Variants in RBM25 observed in about 807,000 individuals in gnomAD.
The protein encoded by RBM25 is RNA-binding protein 25.
A neutral mutation model predicts 120.7 loss-of-function variants in RBM25; 19 were observed. The ratio of observed to expected loss-of-function variants is 0.16; its 90% CI spans 0.11 to 0.23. RBM25 has a LOEUF of 0.23. Among genes scored for constraint, RBM25 ranks in the 10% least tolerant of loss-of-function variants. The pLI is 1.00. For missense variants in RBM25, 605 were observed against 1,041.5 expected, an observed-to-expected ratio of 0.58 and a Z score of 5.77; for synonymous variants, 390 against 326.7, an observed-to-expected ratio of 1.19 and a Z score of -2.09.
intron 6 of RBM25, among the ~76,000 whole-genome samples, chr14:73,094,351 G>A (rs1197345425): frequency 6.6e-6 from 1 of 151,988 alleles, no homozygotes; most frequent in Non-Finnish European, 1.5e-5. Flanking sequence ...ATGTGAATTA[G>A]TTAATTCCAA....
At chr14:73,063,247 T>G (rs1895046957) in intron 1 of RBM25, among the ~76,000 whole-genome samples, 1 of 151,216 alleles carries the variant, frequency 6.6e-6, no homozygotes, top group Non-Finnish European at 1.5e-5. Flanking sequence ...CCTCCCGGGT[T>G]CACGCCATTC....
At chr14:73,078,665 T>G (rs1476420211) in intron 4 of RBM25, among the ~76,000 whole-genome samples, 1 of 152,190 alleles carries the variant, frequency 6.6e-6, no homozygotes. Flanking sequence ...AATGAAGTGG[T>G]GACATCTTGG....
intron 2 of RBM25, among the ~76,000 whole-genome samples, chr14:73,074,241 C>A (rs1566584259): frequency 6.6e-6 from 1 of 151,968 alleles, no homozygotes; most frequent in Non-Finnish European, 1.5e-5. Context: ...TTTTTTGAGA[C>A]AGGATCTCTC....
rs1410048553 is a variant in RBM25 at position 73,121,610 on chromosome 14, C to G, written c.*1805C>G. On this transcript the variant is annotated 3_prime_UTR_variant, in exon 19 of 19. Transcript: ENST00000261973. ...GTCTTTTCTTAGACACACCCCCAGCCTAAGACCTTGTTCGAGGAGTTTATT... is the reference window on the plus strand; with the variant it reads ...GTCTTTTCTTAGACACACCCCCAGCGTAAGACCTTGTTCGAGGAGTTTATT... The G allele has an allele frequency of 6.6e-6, 1 of 152,220 alleles. No individual in the cohort carries two copies. Among genetic ancestry groups the G allele is most frequent in the Non-Finnish European group, 1.5e-5 (1 of 68,040 alleles). The allele number at this position is 152,220 out of a possible 1,614,324, so 9.4% of individuals were successfully genotyped here. A position where few individuals can be genotyped will look rare whatever the true frequency, so the allele number is the denominator to read the frequency against.
intron 1 of RBM25, among the ~76,000 whole-genome samples, chr14:73,070,372 A>G (rs1167542162): frequency 1.3e-5 from 2 of 152,132 alleles, no homozygotes; most frequent in Non-Finnish European, 2.9e-5. Context: ...TTAAACTTTA[A>G]AAAATCAAAT....
intron 7 of RBM25, among the ~76,000 whole-genome samples, chr14:73,098,736 C>T (rs554671527): frequency 4.6e-5 from 7 of 152,106 alleles, no homozygotes; most frequent in South Asian, 4.2e-4. Flanking sequence ...CTCTGCCTCC[C>T]GGGTTCAAGC....
At chr14:73,099,279 C>A in intron 7 of RBM25, 101 bp from the exon 8 acceptor site, 1 of 1,018,426 alleles carries the variant, frequency 9.8e-7, no homozygotes, top group Non-Finnish European at 1.5e-6. Flanking sequence ...CAGAAGTGTA[C>A]TGTATTGTTC....
chr14:73,093,392 T>A (rs1895860414), intron 6 of RBM25, among the ~76,000 whole-genome samples: 1 of 152,232 alleles, frequency 6.6e-6, no homozygotes, highest in South Asian at 2.1e-4. Context: ...AAATTTTAAT[T>A]TCTCTGAAAA....
intron 7 of RBM25, among the ~76,000 whole-genome samples, chr14:73,099,035 CAT>C (rs1165739491): frequency 2.0e-5 from 3 of 152,138 alleles, no homozygotes; most frequent in African/African-American, 2.4e-5. Context: ...AGAAAAATAA[CAT>C]ATTTGTTTGA....
rs1283850339 is a variant in RBM25 at position 73,061,576 on chromosome 14, TTTA to T, written c.-16+2874_-16+2876del. 2.6e-5 allele frequency among the ~76,000 whole-genome samples: 4 copies of T among 151,202 alleles called. 1 individual carries two copies. Among genetic ancestry groups the T allele is most frequent in the Non-Finnish European group, 5.9e-5 (4 of 67,482 alleles). On this transcript the variant is annotated intron_variant, in intron 1 of 18. Transcript: ENST00000261973. The stretch of plus-strand genomic sequence containing the variant: ...GTAGTAGATAGCGCTGCTTTTTTGT[TTTA>T]TTTGGTTTTTGAGATGGGGTCTCTT...
At chr14:73,078,962 A>G (rs1202225632) in intron 4 of RBM25, among the ~76,000 whole-genome samples, 1 of 152,210 alleles carries the variant, frequency 6.6e-6, no homozygotes, top group African/African-American at 2.4e-5. Context: ...CAATGATTTT[A>G]GCATCCAATG....
intron 1 of RBM25, among the ~76,000 whole-genome samples, chr14:73,059,748 C>T (rs1894955716): frequency 6.6e-6 from 1 of 152,196 alleles, no homozygotes; most frequent in South Asian, 2.1e-4. Flanking sequence ...TCATAAGTTA[C>T]TCATGATTCA....
At chr14:73,062,557 G>A (rs1594891990) in intron 1 of RBM25, among the ~76,000 whole-genome samples, 1 of 151,330 alleles carries the variant, frequency 6.6e-6, no homozygotes, top group African/African-American at 2.4e-5. Flanking sequence ...GCTGTATTTT[G>A]CATACTTGCA....
At chr14:73,084,638 C>T (rs1416423233) in intron 5 of RBM25, among the ~76,000 whole-genome samples, 3 of 151,910 alleles carry the variant, frequency 2.0e-5, no homozygotes, top group Non-Finnish European at 4.4e-5. Context: ...CTGCAACTTC[C>T]ACCTCCCAGG....
At chr14:73,090,063 T>C (rs1220323148) in intron 6 of RBM25, among the ~76,000 whole-genome samples, 1 of 151,272 alleles carries the variant, frequency 6.6e-6, no homozygotes, top group East Asian at 1.9e-4. Flanking sequence ...CCCCCCCTCT[T>C]TTTTTTTGAT....
At chr14:73,062,580 G>A (rs1045345067) in intron 1 of RBM25, among the ~76,000 whole-genome samples, 1 of 151,378 alleles carries the variant, frequency 6.6e-6, no homozygotes, top group African/African-American at 2.4e-5. Context: ...ATTCTTAAGA[G>A]TGCAGAAAAA....
intron 14 of RBM25, among the ~76,000 whole-genome samples, chr14:73,109,834 C>G (rs115400921): frequency 0.023 from 3,451 of 152,002 alleles, 135 homozygotes; most frequent in African/African-American, 0.076. Flanking sequence ...AGTAGTAGTA[C>G]GGATTACAGG....
intron 5 of RBM25, 65 bp downstream of exon 5, chr14:73,083,616 G>T (rs1895615017): frequency 8.6e-7 from 1 of 1,169,090 alleles, no homozygotes; most frequent in South Asian, 1.5e-5. Flanking sequence ...AAATCACTTT[G>T]CATGACTTAA....
intron 1 of RBM25, among the ~76,000 whole-genome samples, chr14:73,062,847 G>T (rs575774605): frequency 6.6e-6 from 1 of 151,272 alleles, no homozygotes; most frequent in South Asian, 2.1e-4. Context: ...TTTTTGGGGG[G>T]CCTCACTCTG....
Sources: gnomAD v4.1 joint callset for allele counts (sites outside exome capture counted in the v4.1 genomes callset) on GRCh38, gnomAD v4.1.1 for gene constraint, MANE v1.5 for transcripts, NCBI Gene and HGNC (gene_info 2026-07-23, HGNC 2026-07-21) for gene names.